The following GART variants were observed in gnomAD, a reference collection of about 807,000 sequenced individuals.
The protein encoded by GART is trifunctional purine biosynthetic protein adenosine-3.
Under a neutral mutation model 107.2 loss-of-function variants are expected in GART, and 43 were observed. The ratio of observed to expected loss-of-function variants is 0.40; its 90% CI spans 0.31 to 0.52. The LOEUF (loss-of-function observed/expected upper bound fraction) is 0.52, where lower values mean the gene tolerates loss of function less well. GART is among the 20% of genes least tolerant of loss of function. The pLI, the probability that GART is intolerant of heterozygous loss-of-function variation, is 0.52. For missense variants in GART, 1,107 were observed against 1,206.5 expected (o/e 0.92, Z 1.22); for synonymous variants, 434 against 427.0 (o/e 1.02, Z -0.20).
At chr21:33,541,522 G>A (rs1015445722) in intron 1 of GART, among the ~76,000 whole-genome samples, 2 of 152,186 alleles carry the variant, frequency 1.3e-5, no homozygotes, top group Admixed American at 6.5e-5. Context: ...GTTTACTCTA[G>A]TGGATCACTG....
intron 12 of GART, among the ~76,000 whole-genome samples, chr21:33,521,951 CAAA>C (rs1252653074): frequency 2.4e-5 from 2 of 82,800 alleles, no homozygotes; most frequent in Admixed American, 1.2e-4. Flanking sequence ...ACTCTTGTCT[CAAA>C]AAAAAAAAAA....
In GART at chr21:33,539,433, C is replaced by G. The variant is rs1037621457; in HGVS notation, c.-41-77G>C. ...CAGGGACGGGCACAGTGGCTCATGCCTGTACCCCCAGCATTTTGGGAGGCC... is the reference window on the plus strand; with the variant it reads ...CAGGGACGGGCACAGTGGCTCATGCGTGTACCCCCAGCATTTTGGGAGGCC... On this transcript the variant is annotated intron_variant, in intron 1 of 21. Transcript: ENST00000381815. The G allele has an allele frequency of 5.4e-6, 6 of 1,111,534 alleles. No homozygotes were observed. In the South Asian group the frequency reaches 1.0e-4, roughly 18 times the overall value. 68.9% of individuals were successfully genotyped at this position (1,111,534 alleles called of 1,614,324 possible).
upstream of GART, chr21:33,542,860 A>G (rs1168459649): frequency 3.4e-6 from 2 of 584,486 alleles, no homozygotes; most frequent in Admixed American, 3.0e-5. Context: ...CATGGCGGAC[A>G]TAGTCGTGCG....
chr21:33,506,847 A>G (rs113403084), intron 18 of GART, among the ~76,000 whole-genome samples: 56 of 152,308 alleles, frequency 3.7e-4, no homozygotes, highest in African/African-American at 1.3e-3. Context: ...AGAGAAATGC[A>G]AATCAAAACT....
intron 16 of GART, among the ~76,000 whole-genome samples, chr21:33,514,581 C>G (rs2084843981): frequency 1.3e-5 from 2 of 152,164 alleles, no homozygotes; most frequent in African/African-American, 4.8e-5. Context: ...GGCAAATGCA[C>G]AAATCAGTCC....
chr21:33,531,427 G>T, intron 6 of GART, 62 bp downstream of exon 6: 1 of 1,423,648 alleles, frequency 7.0e-7, no homozygotes, highest in Non-Finnish European at 9.8e-7. Context: ...CTTTTCTGGG[G>T]TACACAGGTC....
At position 33,509,912 on chromosome 21, in the gene GART, G is replaced by A. The variant is rs200269758; in HGVS notation, c.2323C>T (p.Arg775Cys). 28 of 1,609,428 alleles carry A rather than the reference G, an allele frequency of 1.7e-5. No homozygotes were observed. The highest frequency in any genetic ancestry group is 8.9e-5 in the East Asian group (4 of 44,788). The change falls in exon 18 of 22, where the codon CGT (arginine) becomes TGT (cysteine). Residue 775 changes from arginine (R) to cysteine (C), a missense_variant. By Grantham distance (180) the Arg-to-Cys change is radical (BLOSUM62 -3). Coordinates refer to ENST00000381815, the MANE Select transcript of GART (RefSeq NM_000819.5). ...TCAATCAGATTCTTGACTTTCACAC[G>A]TGGGGAACCTTCATTTCAAACATAT... ...SVVARAEGSP[R>C]VKVKNLIESM...
At chr21:33,523,518 T>C (rs2085010374) in intron 11 of GART, among the ~76,000 whole-genome samples, 2 of 152,348 alleles carry the variant, frequency 1.3e-5, no homozygotes, top group Admixed American at 6.5e-5. Context: ...GGTATTTTGA[T>C]GTTCTTGATT....
At chr21:33,525,146 G>C in intron 10 of GART, 146 bp from the exon 11 acceptor site, 1 of 1,374,902 alleles carries the variant, frequency 7.3e-7, no homozygotes, top group Non-Finnish European at 9.5e-7. Flanking sequence ...CAGCACTTTG[G>C]GAGGCTGAGG....
Position 33,524,957 on chromosome 21 carries a change from T to G in GART, c.1110A>C (p.Ala370=). ...CTTTGCCATTTTTGAGGGCAGTGCC[T>G]GCATGGAACACCTCCAGTCCTAGAG... ...AQALGLEVFH[A]GTALKNGKVV... is the part of the protein sequence containing the mutation. Residue 370 remains alanine (A), a synonymous_variant, in exon 11 of 22, where the codon GCA becomes GCC. Coordinates refer to ENST00000381815, the MANE Select transcript of GART (RefSeq NM_000819.5). 2 of 1,614,216 alleles carry G rather than the reference T, an allele frequency of 1.2e-6. No homozygotes were observed. Among genetic ancestry groups the G allele is most frequent in the Non-Finnish European group, 1.7e-6 (2 of 1,180,032 alleles).
rs760731560 is a variant in GART at position 33,535,276 on chromosome 21, CTT to C, written c.188_189del (p.Lys63ArgfsTer5). ...ACAACTACAAATTCAATTTTCTTCT[CTT>C]TGCAGAATTGAGCAAGGGCAGTGTG... ...SDHTALAQFC[K>X]EKKIEFVVVG... On this transcript the variant is annotated frameshift_variant, in exon 3 of 22. Coordinates refer to ENST00000381815, the MANE Select transcript of GART (RefSeq NM_000819.5). LOFTEE classifies it high-confidence loss of function. The C allele has an allele frequency of 7.3e-7, 1 of 1,378,800 alleles. No homozygotes were observed. Among genetic ancestry groups the C allele is most frequent in the South Asian group, 1.2e-5 (1 of 83,888 alleles). 85.4% of individuals were successfully genotyped at this position (1,378,800 alleles called of 1,614,324 possible). A position where few individuals can be genotyped will look rare whatever the true frequency, so the allele number is the denominator to read the frequency against.
upstream of GART, chr21:33,542,245 C>T (rs1019535934): frequency 1.3e-5 from 2 of 152,326 alleles, no homozygotes; most frequent in Non-Finnish European, 2.9e-5. Context: ...TCCCTCCCGC[C>T]CTGGGCGCTG....
At chr21:33,541,890 AAACCAGCT>A (rs1306542043) in intron 1 of GART, among the ~76,000 whole-genome samples, 167 bp downstream of exon 1, 3 of 152,220 alleles carry the variant, frequency 2.0e-5, no homozygotes, top group Non-Finnish European at 4.4e-5. Flanking sequence ...GAGCAAATAG[AAACCAGCT>A]AACAGTAGCA....
chr21:33,522,434 C>A (rs564407758), intron 11 of GART, 152 bp from the exon 12 acceptor site: 2 of 615,432 alleles, frequency 3.2e-6, no homozygotes, highest in Non-Finnish European at 5.7e-6. Context: ...CACATCTATA[C>A]AGATTCTGAT....
intron 12 of GART, among the ~76,000 whole-genome samples, chr21:33,521,722 G>A (rs570755396): frequency 1.3e-5 from 2 of 151,832 alleles, no homozygotes; most frequent in East Asian, 1.9e-4. Context: ...CACTTTGGGA[G>A]GCTGAGGTGG....
intron 4 of GART, among the ~76,000 whole-genome samples, chr21:33,533,922 TG>T (rs964713017): frequency 1.5e-5 from 2 of 136,626 alleles, no homozygotes; most frequent in African/African-American, 5.4e-5. Context: ...GGGGTGGTGG[TG>T]GGGGGCGGGG....
In GART at chr21:33,503,980, T is replaced by C. The variant is rs891457341; in HGVS notation, c.*144A>G. The C allele has an allele frequency of 7.6e-6, 5 of 657,950 alleles. No homozygotes were observed. The highest frequency in any genetic ancestry group is 1.8e-5 in the African/African-American group (1 of 55,186). The allele number at this position is 657,950 out of a possible 1,614,324, so 40.8% of individuals were successfully genotyped here. A position where few individuals can be genotyped will look rare whatever the true frequency, so the allele number is the denominator to read the frequency against. On this transcript the variant is annotated 3_prime_UTR_variant, in exon 22 of 22. Coordinates refer to ENST00000381815, the MANE Select transcript of GART (RefSeq NM_000819.5). ...AGTCTTGTTTTTAGTGAGTCTCTAT[T>C]TATTAAAAAAATAGATGAAGTAAGG...
chr21:33,521,327 G>T (rs767986905), intron 12 of GART, among the ~76,000 whole-genome samples: 1 of 152,094 alleles, frequency 6.6e-6, no homozygotes, highest in Non-Finnish European at 1.5e-5. Flanking sequence ...TGTGCTCAAA[G>T]AATTGATTAA....
rs2145718251 is a variant in GART, at chr21:33,522,181, C to T, written c.1393+7G>A. On this transcript the variant is annotated splice_region_variant and intron_variant, in intron 12 of 21. Transcript: ENST00000381815. ...TTAATGAATTAGCAAAGTATAGGATCACTGACCTGATCTGGAAGTGGCTTT... is the reference window on the plus strand; with the variant it reads ...TTAATGAATTAGCAAAGTATAGGATTACTGACCTGATCTGGAAGTGGCTTT... The T allele has an allele frequency of 6.2e-7, 1 of 1,605,460 alleles. No individual in the cohort carries two copies. Among genetic ancestry groups the T allele is most frequent in the Non-Finnish European group, 8.5e-7 (1 of 1,172,270 alleles).
Sources: allele counts gnomAD v4.1 joint callset (sites outside exome capture counted in the v4.1 genomes callset), GRCh38; gene constraint gnomAD v4.1.1; transcripts MANE v1.5; gene names NCBI Gene and HGNC (gene_info 2026-07-23, HGNC 2026-07-21).